The following RAPGEF5 variants were observed in gnomAD, a reference collection of about 807,000 sequenced individuals.
RAPGEF5 encodes M-Ras-regulated GEF.
In RAPGEF5, 65 loss-of-function variants were observed where a neutral mutation model predicts 125.2. That is an observed-to-expected ratio of 0.52 (90% CI 0.43 to 0.64). RAPGEF5 has a LOEUF of 0.64. RAPGEF5 is among the 30% of genes least tolerant of loss of function. RAPGEF5 has a pLI of 0.00. For missense variants in RAPGEF5, 958 were observed against 1,048.1 expected (o/e 0.91, Z 1.19); for synonymous variants, 391 against 385.9 (o/e 1.01, Z -0.16).
intron 24 of RAPGEF5, among the ~76,000 whole-genome samples, chr7:22,129,225 C>T (rs971947412): frequency 6.6e-6 from 1 of 152,004 alleles, no homozygotes; most frequent in East Asian, 1.9e-4. Context: ...ATGAACTTAA[C>T]AAATTCACTG....
At chr7:22,315,627 T>A (rs1015261309) in intron 2 of RAPGEF5, among the ~76,000 whole-genome samples, 151 bp from the exon 3 acceptor site, 1 of 150,136 alleles carries the variant, frequency 6.7e-6, no homozygotes, top group East Asian at 1.9e-4. Context: ...GGTTGAGACA[T>A]ATTTTAGCCA....
chr7:22,253,918 A>C (rs1025797790), intron 7 of RAPGEF5, among the ~76,000 whole-genome samples: 4 of 152,208 alleles, frequency 2.6e-5, no homozygotes, highest in Non-Finnish European at 2.9e-5. Flanking sequence ...TAAAAATAAA[A>C]AGTAAAAATT....
At chr7:22,301,813 A>G (rs1583562231) in intron 5 of RAPGEF5, among the ~76,000 whole-genome samples, 1 of 152,148 alleles carries the variant, frequency 6.6e-6, no homozygotes, top group East Asian at 1.9e-4. Context: ...GAATTTAGAA[A>G]TGAACTGTAT....
chr7:22,127,776 A>C (rs1782794622), intron 24 of RAPGEF5, among the ~76,000 whole-genome samples: 1 of 152,258 alleles, frequency 6.6e-6, no homozygotes, highest in South Asian at 2.1e-4. Context: ...TGCTGAAAGA[A>C]TATTAAACAC....
chr7:22,314,812 T>C (rs1783554777), intron 3 of RAPGEF5, among the ~76,000 whole-genome samples: 1 of 152,220 alleles, frequency 6.6e-6, no homozygotes, highest in Non-Finnish European at 1.5e-5. Context: ...CATCAAGTTT[T>C]CTAAGTGACC....
At chr7:22,245,371 C>T (rs1043473397) in intron 7 of RAPGEF5, among the ~76,000 whole-genome samples, 1 of 152,026 alleles carries the variant, frequency 6.6e-6, no homozygotes, top group African/African-American at 2.4e-5. Context: ...GGGTCATTTC[C>T]ACAAAAATCA....
intron 5 of RAPGEF5, among the ~76,000 whole-genome samples, chr7:22,306,025 G>T (rs1417512614): frequency 6.6e-6 from 1 of 152,148 alleles, no homozygotes; most frequent in Non-Finnish European, 1.5e-5. Flanking sequence ...AGGAAAGCAG[G>T]TATCCTTTTG....
chr7:22,258,709 T>C (rs867609189), intron 7 of RAPGEF5, among the ~76,000 whole-genome samples: 6 of 149,906 alleles, frequency 4.0e-5, no homozygotes, highest in African/African-American at 1.2e-4. Context: ...CCAAATATAG[T>C]CAATTGATCT....
At chr7:22,258,480 C>T (rs939503558) in intron 7 of RAPGEF5, among the ~76,000 whole-genome samples, 4 of 151,896 alleles carry the variant, frequency 2.6e-5, no homozygotes, top group African/African-American at 7.3e-5. Flanking sequence ...ATTAGCTGGG[C>T]ATGGTGGCAC....
chr7:22,154,422 A>G lies in RAPGEF5; in HGVS notation c.1786+33T>C, dbSNP rs758713147. ...CCCTCCTTTTGAAGGAGATCAGTGAAAGATTAATATTCAAGGGTAGAAAAC... is the reference window on the plus strand; with the variant it reads ...CCCTCCTTTTGAAGGAGATCAGTGAGAGATTAATATTCAAGGGTAGAAAAC... On this transcript the variant is annotated intron_variant, in intron 17 of 25. Transcript: ENST00000665637. The G allele has an allele frequency of 1.9e-6, 3 of 1,609,046 alleles. No individual in the cohort carries two copies. The South Asian group carries it at 3.3e-5, about 18-fold the overall frequency.
At position 22,260,553 on chromosome 7, in the gene RAPGEF5, T is replaced by G. The variant is rs1782127241; in HGVS notation, c.796+6411A>C. Among the ~76,000 whole-genome samples, 3 of 145,398 alleles carry G rather than the reference T, an allele frequency of 2.1e-5. No homozygotes were observed. The Middle Eastern group carries it at 0.011, about 512-fold the overall frequency. ...CCAGTAAAAAAAAAAAAAAAGATATTACAAAAAATAGTTCATTTACAACAG... is the reference window on the plus strand; with the variant it reads ...CCAGTAAAAAAAAAAAAAAAGATATGACAAAAAATAGTTCATTTACAACAG... On this transcript the variant is annotated intron_variant, in intron 7 of 25. Coordinates refer to ENST00000665637, the MANE Select transcript of RAPGEF5 (RefSeq NM_012294.5).
chr7:22,235,202 C>A (rs977016191), intron 7 of RAPGEF5, among the ~76,000 whole-genome samples: 4 of 152,178 alleles, frequency 2.6e-5, no homozygotes, highest in African/African-American at 9.7e-5. Context: ...GTAATATAAT[C>A]TTTCACCTGT....
At position 22,356,924 on chromosome 7, in the gene RAPGEF5, G is replaced by A. The variant is rs1784432920; in HGVS notation, c.137C>T (p.Pro46Leu). 3 of 1,083,128 alleles carry A rather than the reference G, an allele frequency of 2.8e-6. No individual in the cohort carries two copies. Among genetic ancestry groups the A allele is most frequent in the African/African-American group, 1.7e-5 (1 of 59,324 alleles). The allele number at this position is 1,083,128 out of a possible 1,614,324, so 67.1% of individuals were successfully genotyped here. The change falls in exon 1 of 26, where the codon CCG becomes CTG. Residue 46 changes from proline (P) to leucine (L), a missense_variant. Physicochemically the swap from Pro to Leu is moderately conservative, Grantham distance 98. Transcript: ENST00000665637. ...PSAREPEREQ[P>L]PASLRPRLRD... ...CAGCCGCGGCCGCAGCGACGCCGGCGGCTGCTCGCGCTCGGGCTCCCGGGC... is the reference window on the plus strand; with the variant it reads ...CAGCCGCGGCCGCAGCGACGCCGGCAGCTGCTCGCGCTCGGGCTCCCGGGC...
chr7:22,290,719 T>G (rs369621467), intron 6 of RAPGEF5, among the ~76,000 whole-genome samples: 3,660 of 126,162 alleles, frequency 0.029, 136 homozygotes, highest in African/African-American at 0.1. Flanking sequence ...CACTCCAGCC[T>G]GGGCGACAGA....
At chr7:22,289,248 T>A (rs918527103) in intron 6 of RAPGEF5, among the ~76,000 whole-genome samples, 2 of 152,276 alleles carry the variant, frequency 1.3e-5, no homozygotes, top group Non-Finnish European at 2.9e-5. Context: ...ATCATACATG[T>A]CTTTATCACT....
At chr7:22,153,699 C>T (rs1408381986) in intron 17 of RAPGEF5, among the ~76,000 whole-genome samples, 1 of 152,150 alleles carries the variant, frequency 6.6e-6, no homozygotes, top group Non-Finnish European at 1.5e-5. Flanking sequence ...TAATTAGCCC[C>T]CACAGTGCTC....
intron 1 of RAPGEF5, among the ~76,000 whole-genome samples, chr7:22,325,539 G>A (rs1783797761): frequency 6.6e-6 from 1 of 152,084 alleles, no homozygotes; most frequent in Non-Finnish European, 1.5e-5. Flanking sequence ...ATACACAGAG[G>A]GAGTAGATAT....
chr7:22,353,427 T>C (rs993800354), intron 1 of RAPGEF5, among the ~76,000 whole-genome samples: 1 of 152,234 alleles, frequency 6.6e-6, no homozygotes, highest in African/African-American at 2.4e-5. Flanking sequence ...TTGTTTTTAA[T>C]GTCCTTATCA....
At chr7:22,241,174 A>G (rs1005197913) in intron 7 of RAPGEF5, among the ~76,000 whole-genome samples, 4 of 152,258 alleles carry the variant, frequency 2.6e-5, no homozygotes, top group Non-Finnish European at 5.9e-5. Flanking sequence ...ACTAAAGTTT[A>G]TTGCAGACAT....
Sources: gnomAD v4.1 joint callset for allele counts (sites outside exome capture counted in the v4.1 genomes callset) on GRCh38, gnomAD v4.1.1 for gene constraint, MANE v1.5 for transcripts, NCBI Gene and HGNC (gene_info 2026-07-23, HGNC 2026-07-21) for gene names.